Variants in AGBL1 observed in about 807,000 individuals in gnomAD.
The protein encoded by AGBL1 is AGBL carboxypeptidase 1, also known as cytosolic carboxypeptidase 4.
A neutral mutation model predicts 118.9 loss-of-function variants in AGBL1; 130 were observed. The observed-to-expected ratio is 1.09, with a 90% CI of 0.95 to 1.26. The LOEUF is 1.26. Ranked by LOEUF, AGBL1 falls within the 50% of genes most tolerant of loss-of-function variation. AGBL1 has a pLI of 0.00. For missense variants in AGBL1, 1,584 were observed against 1,298.1 expected, an observed-to-expected ratio of 1.22 and a Z score of -3.38; for synonymous variants, 555 against 478.9, an observed-to-expected ratio of 1.16 and a Z score of -2.08.
At chr15:86,257,165 C>A in intron 8 of AGBL1, 147 bp downstream of exon 8, 1 of 960,022 alleles carries the variant, frequency 1.0e-6, no homozygotes, top group Non-Finnish European at 1.5e-6. Flanking sequence ...TATGAAAAAG[C>A]AGTTTTGATT....
chr15:86,415,184 C>T (rs902569402), intron 18 of AGBL1, among the ~76,000 whole-genome samples: 4 of 152,152 alleles, frequency 2.6e-5, no homozygotes, highest in Non-Finnish European at 5.9e-5. Context: ...CCTTTGTACT[C>T]CCCACCAATG....
chr15:86,404,922 G>C (rs1567239659), intron 18 of AGBL1, among the ~76,000 whole-genome samples: 1 of 152,132 alleles, frequency 6.6e-6, no homozygotes, highest in Admixed American at 6.6e-5. Context: ...GAAAATTCTG[G>C]AAGAGGAAAA....
chr15:86,932,472 C>T (rs75748921), intron 23 of AGBL1, among the ~76,000 whole-genome samples: 4,955 of 152,190 alleles, frequency 0.033, 277 homozygotes, highest in African/African-American at 0.11. Flanking sequence ...TCAAAGGGTG[C>T]GTGGAAACTC....
chr15:86,684,996 A>G (rs779376261), intron 22 of AGBL1, among the ~76,000 whole-genome samples: 11 of 152,218 alleles, frequency 7.2e-5, no homozygotes, highest in Non-Finnish European at 1.5e-4. Context: ...TTACTAGTGC[A>G]TGGGTAACAG....
chr15:87,023,988 T>A (rs1358626345), intron 24 of AGBL1, among the ~76,000 whole-genome samples: 1 of 151,924 alleles, frequency 6.6e-6, no homozygotes, highest in Admixed American at 6.6e-5. Context: ...AAGGCAGTGC[T>A]AAGAGGAAGG....
Position 86,264,736 on chromosome 15 carries a change from G to A in AGBL1, c.1565G>A (p.Ser522Asn), listed in dbSNP as rs1369997411. ...TATATGGCCAAAGCCAGAAGAACCAGCTCTGTGGTGGACTTCAAGATGATG... is the reference window on the plus strand; with the variant it reads ...TATATGGCCAAAGCCAGAAGAACCAACTCTGTGGTGGACTTCAAGATGATG... Reference protein sequence around the residue: ...YLYMAKARRTSSVVDFKMMAF... With the variant: ...YLYMAKARRTNSVVDFKMMAF... Residue 522 changes from serine (S) to asparagine (N), a missense_variant, in exon 11 of 23, where the codon AGC (serine) becomes AAC (asparagine). Physicochemically the swap from Ser to Asn is conservative, Grantham distance 46. Transcript: ENST00000614907. 1.2e-6 allele frequency: 2 copies of A among 1,613,992 alleles called. No individual in the cohort carries two copies. The highest frequency in any genetic ancestry group is 2.7e-5 in the African/African-American group (2 of 75,036).
At chr15:86,262,490 A>C (rs2079007967) in intron 9 of AGBL1, 1 of 404,554 alleles carries the variant, frequency 2.5e-6, no homozygotes, top group Non-Finnish European at 4.7e-6. Flanking sequence ...TTCTTTTATA[A>C]TGTGCTTTAT....
At chr15:86,144,349 T>C (rs1006920113) in intron 3 of AGBL1, among the ~76,000 whole-genome samples, 3 of 152,162 alleles carry the variant, frequency 2.0e-5, no homozygotes, top group Admixed American at 6.5e-5. Context: ...ATAATTCTAT[T>C]ATAAAGACAC....
rs76061514 is a variant in AGBL1, at chr15:86,702,501, C to T, written c.3158+28065C>T. Among the ~76,000 whole-genome samples the T allele has an allele frequency of 1.7e-3, 266 of 152,038 alleles. 4 individuals are homozygous for T. The East Asian group carries it at 0.022, about 13-fold the overall frequency. Reference sequence around the variant, plus strand: ...TCATCACTTGTTTCTCTTTTCTTACCCTTTCAAAATTATACTTGACTCCTC... The same window carrying T: ...TCATCACTTGTTTCTCTTTTCTTACTCTTTCAAAATTATACTTGACTCCTC... On this transcript the variant is annotated intron_variant, in intron 22 of 22. Transcript: ENST00000614907.
Position 86,589,068 on chromosome 15 carries a change from A to AT in AGBL1, c.2994+34539dup, listed in dbSNP as rs558760312. Among the ~76,000 whole-genome samples the AT allele has an allele frequency of 1.3e-3, 193 of 151,898 alleles. 1 individual carries two copies. The highest frequency in any genetic ancestry group is 2.4e-3 in the Non-Finnish European group (163 of 67,956). On this transcript the variant is annotated intron_variant, in intron 21 of 22. Coordinates refer to ENST00000614907, the MANE Select transcript of AGBL1 (RefSeq NM_001386094.1). ...TGTGCATGGACACAGAAGGACAACA[A>AT]TTTTTTTTAAATATGAATAACTTAC...
At position 86,591,215 on chromosome 15, in the gene AGBL1, A is replaced by G. The variant is rs188619318; in HGVS notation, c.2994+36678A>G. Among the ~76,000 whole-genome samples the G allele has an allele frequency of 7.3e-3, 1,106 of 152,314 alleles. 14 individuals carry two copies. The highest frequency in any genetic ancestry group is 0.011 in the Non-Finnish European group (772 of 68,032). On this transcript the variant is annotated intron_variant, in intron 21 of 22. Transcript: ENST00000614907. Reference sequence around the variant, plus strand: ...CTCTGAGGAGAAAAAATACAAACTCAGAGCTTTTTCCTATTCTCTTTCCCA... The same window carrying G: ...CTCTGAGGAGAAAAAATACAAACTCGGAGCTTTTTCCTATTCTCTTTCCCA...
chr15:86,220,020 T>G (rs1048920369), intron 5 of AGBL1, among the ~76,000 whole-genome samples: 1 of 148,180 alleles, frequency 6.7e-6, no homozygotes, highest in Non-Finnish European at 1.5e-5. Context: ...GGCACAATCT[T>G]GGTTCACTGC....
intron 1 of AGBL1, among the ~76,000 whole-genome samples, chr15:86,100,566 C>G (rs1351447849): frequency 2.0e-5 from 3 of 151,988 alleles, no homozygotes; most frequent in African/African-American, 7.2e-5. Flanking sequence ...TTCAGGTCTT[C>G]TATTTCTTCC....
intron 18 of AGBL1, among the ~76,000 whole-genome samples, chr15:86,476,868 T>C (rs1182305617): frequency 2.6e-5 from 4 of 152,124 alleles, no homozygotes; most frequent in Non-Finnish European, 5.9e-5. Context: ...GAACAGAAAT[T>C]ATAACAAAGT....
chr15:86,431,933 G>A (rs2081940451), intron 18 of AGBL1, among the ~76,000 whole-genome samples: 1 of 152,140 alleles, frequency 6.6e-6, no homozygotes, highest in South Asian at 2.1e-4. Context: ...CTACTGGGCT[G>A]TGTATTGGCA....
chr15:87,010,756 A>G (rs572840688), intron 24 of AGBL1, among the ~76,000 whole-genome samples: 2 of 152,270 alleles, frequency 1.3e-5, no homozygotes, highest in African/African-American at 4.8e-5. Flanking sequence ...AAAATAGCCT[A>G]TCATGGGACT....
intron 22 of AGBL1, among the ~76,000 whole-genome samples, chr15:86,775,603 A>G (rs2078243928): frequency 6.6e-6 from 1 of 152,118 alleles, no homozygotes; most frequent in African/African-American, 2.4e-5. Context: ...GGCTAACATG[A>G]AAAAGACTTA....
At chr15:87,009,773 C>A (rs113406878) in intron 24 of AGBL1, among the ~76,000 whole-genome samples, 9,401 of 152,242 alleles carry the variant, frequency 0.062, 369 homozygotes, top group African/African-American at 0.11. Flanking sequence ...CAAAGGAGAT[C>A]ATTTTGGAGC....
chr15:86,084,438 C>T (rs939588797), intron 1 of AGBL1, among the ~76,000 whole-genome samples: 2 of 152,174 alleles, frequency 1.3e-5, no homozygotes, highest in African/African-American at 4.8e-5. Flanking sequence ...ATTCTCCTGT[C>T]TTACAGATGA....
Sources: gnomAD v4.1 joint callset for allele counts (sites outside exome capture counted in the v4.1 genomes callset) on GRCh38, gnomAD v4.1.1 for gene constraint, MANE v1.5 for transcripts, NCBI Gene and HGNC (gene_info 2026-07-23, HGNC 2026-07-21) for gene names.